CNTN4: variants seen among roughly 807,000 people sequenced by gnomAD.
CNTN4 encodes contactin-4.
In CNTN4, 77 loss-of-function variants were observed where a neutral mutation model predicts 122.5. That is an observed-to-expected ratio of 0.63 (90% CI 0.52 to 0.76). The LOEUF (loss-of-function observed/expected upper bound fraction) is 0.76, where lower values mean the gene tolerates loss of function less well. Among genes scored for constraint, CNTN4 ranks in the 30% least tolerant of loss-of-function variants. The pLI, the probability that CNTN4 is intolerant of heterozygous loss-of-function variation, is 0.00. For synonymous variants in CNTN4, 512 were observed against 447.0 expected (o/e 1.15, Z -1.83); for missense variants, 1,256 against 1,259.1 (o/e 1.00, Z 0.04).
chr3:2,550,730 G>A (rs2078464389), intron 3 of CNTN4, among the ~76,000 whole-genome samples: 1 of 152,144 alleles, frequency 6.6e-6, no homozygotes, highest in African/African-American at 2.4e-5. Flanking sequence ...ACTGGATAAA[G>A]AAAATGTGGC....
chr3:2,553,435 A>G (rs905466550), intron 3 of CNTN4, among the ~76,000 whole-genome samples: 1 of 152,224 alleles, frequency 6.6e-6, no homozygotes, highest in Non-Finnish European at 1.5e-5. Context: ...CATCTCAAGA[A>G]CAAGAATATG....
intron 4 of CNTN4, among the ~76,000 whole-genome samples, chr3:2,615,269 A>G (rs1264214605): frequency 3.9e-5 from 6 of 152,208 alleles, no homozygotes; most frequent in African/African-American, 1.4e-4. Flanking sequence ...TAAGTTGCTA[A>G]TCAATGAGAA....
At chr3:3,009,730 G>T (rs1697036792) in intron 14 of CNTN4, among the ~76,000 whole-genome samples, 1 of 152,178 alleles carries the variant, frequency 6.6e-6, no homozygotes, top group African/African-American at 2.4e-5. Context: ...ACCGCGCCCG[G>T]CCAGCATTTC....
intron 13 of CNTN4, among the ~76,000 whole-genome samples, chr3:2,930,305 A>ATTG (rs1242254232): frequency 6.6e-6 from 1 of 152,184 alleles, no homozygotes; most frequent in African/African-American, 2.4e-5. Flanking sequence ...GATGATTATT[A>ATTG]TTGTTATACT....
At chr3:2,730,244 G>C (rs1452699380) in intron 4 of CNTN4, among the ~76,000 whole-genome samples, 2 of 152,164 alleles carry the variant, frequency 1.3e-5, no homozygotes, top group Non-Finnish European at 2.9e-5. Context: ...TATACCTATA[G>C]CCTGAAGGTG....
chr3:2,896,223 T>C (rs2151091779), intron 10 of CNTN4, among the ~76,000 whole-genome samples: 1 of 152,154 alleles, frequency 6.6e-6, no homozygotes, highest in East Asian at 1.9e-4. Flanking sequence ...TCAAGGTACT[T>C]TTTTTAGCAT....
At chr3:2,968,636 C>A (rs1040511034) in intron 13 of CNTN4, among the ~76,000 whole-genome samples, 1 of 152,112 alleles carries the variant, frequency 6.6e-6, no homozygotes, top group Non-Finnish European at 1.5e-5. Flanking sequence ...CCACTACTAC[C>A]ACCACCACCA....
At chr3:3,037,938 A>C (rs1340904664) in intron 18 of CNTN4, among the ~76,000 whole-genome samples, 1 of 152,180 alleles carries the variant, frequency 6.6e-6, no homozygotes, top group Non-Finnish European at 1.5e-5. Flanking sequence ...GGTCAGCCGT[A>C]CTTTTACTTA....
chr3:2,173,517 A>G (rs2036604022), intron 2 of CNTN4, among the ~76,000 whole-genome samples: 1 of 152,196 alleles, frequency 6.6e-6, no homozygotes, highest in South Asian at 2.1e-4. Context: ...TATCTTGGGC[A>G]GAGCTTTTTG....
At chr3:2,845,100 A>G (rs1432851467) in intron 7 of CNTN4, among the ~76,000 whole-genome samples, 1 of 152,308 alleles carries the variant, frequency 6.6e-6, no homozygotes, top group East Asian at 1.9e-4. Context: ...TTCCGCAAAA[A>G]CTAGGTGCAA....
At chr3:2,572,753 C>A (rs995407142) in intron 4 of CNTN4, among the ~76,000 whole-genome samples, 1 of 152,160 alleles carries the variant, frequency 6.6e-6, no homozygotes, top group Non-Finnish European at 1.5e-5. Context: ...GTACTGGGAT[C>A]TGGGAATATA....
At chr3:2,482,680 G>T (rs943894593) in intron 3 of CNTN4, among the ~76,000 whole-genome samples, 1 of 152,132 alleles carries the variant, frequency 6.6e-6, no homozygotes, top group Non-Finnish European at 1.5e-5. Flanking sequence ...CAGCCACTCC[G>T]GCCGTGGCTA....
intron 8 of CNTN4, 152 bp downstream of exon 8, chr3:2,867,101 A>G: frequency 1.4e-6 from 1 of 729,326 alleles, no homozygotes; most frequent in Non-Finnish European, 2.3e-6. Flanking sequence ...TATTTTCTCC[A>G]CTTGTGTAAG....
chr3:2,156,923 T>C (rs1413504437), intron 2 of CNTN4, among the ~76,000 whole-genome samples: 2 of 152,214 alleles, frequency 1.3e-5, no homozygotes, highest in Non-Finnish European at 2.9e-5. Context: ...TTATTTTATC[T>C]CTGGCAACCA....
At chr3:2,340,301 C>T (rs975308201) in intron 3 of CNTN4, among the ~76,000 whole-genome samples, 11 of 151,948 alleles carry the variant, frequency 7.2e-5, no homozygotes, top group Admixed American at 7.2e-4. Context: ...GGAGGAAGGT[C>T]TCATTCCATT....
chr3:2,914,377 A>G lies in CNTN4; in HGVS notation c.1208-11252A>G, dbSNP rs566871160. 2.0e-4 allele frequency among the ~76,000 whole-genome samples: 31 copies of G among 152,302 alleles called. 1 individual carries two copies. The highest frequency in any genetic ancestry group is 6.7e-4 in the African/African-American group (28 of 41,578). ...TCAGTGTAAACAAGAGTTGATTTTT[A>G]AAAAGATCAACCAAATTGACAAACC... On this transcript the variant is annotated intron_variant, in intron 12 of 24. Coordinates refer to ENST00000418658, the MANE Select transcript of CNTN4 (RefSeq NM_175607.3).
At position 2,124,766 on chromosome 3, in the gene CNTN4, C is replaced by T. The variant is rs1436423248; in HGVS notation, c.-145+24127C>T. Among the ~76,000 whole-genome samples, 5 of 152,082 alleles carry T rather than the reference C, an allele frequency of 3.3e-5. No individual in the cohort carries two copies. The East Asian group carries it at 9.6e-4, about 29-fold the overall frequency. On this transcript the variant is annotated intron_variant, in intron 2 of 24. Coordinates refer to ENST00000418658, the MANE Select transcript of CNTN4 (RefSeq NM_175607.3). ...CCAGCCTGGAAGAGAGAGTGAAAAA[C>T]AACCAACCAACCAACAAAAAAGCAG...
intron 3 of CNTN4, among the ~76,000 whole-genome samples, chr3:2,360,425 AT>A: frequency 6.6e-6 from 1 of 152,264 alleles, no homozygotes; most frequent in South Asian, 2.1e-4. Flanking sequence ...AAAAAATATA[AT>A]TTTGTCCGTA....
chr3:2,264,232 A>G (rs1575207529), intron 2 of CNTN4, among the ~76,000 whole-genome samples: 2 of 152,208 alleles, frequency 1.3e-5, no homozygotes, highest in South Asian at 4.1e-4. Flanking sequence ...CATTTTCACA[A>G]ACAGTGTATA....
Sources: allele counts gnomAD v4.1 joint callset (sites outside exome capture counted in the v4.1 genomes callset), GRCh38; gene constraint gnomAD v4.1.1; transcripts MANE v1.5; gene names NCBI Gene and HGNC (gene_info 2026-07-23, HGNC 2026-07-21).